CTNNA2: variants seen among roughly 807,000 people sequenced by gnomAD.
CTNNA2 encodes catenin alpha 2.
A neutral mutation model predicts 101.0 loss-of-function variants in CTNNA2; 42 were observed. That is an observed-to-expected ratio of 0.42 (90% CI 0.32 to 0.54). The LOEUF (loss-of-function observed/expected upper bound fraction) is 0.54. CTNNA2 is among the 20% of genes least tolerant of loss of function. The pLI is 0.14. For synonymous variants in CTNNA2, 450 were observed against 456.4 expected, an observed-to-expected ratio of 0.99 and a Z score of 0.18; for missense variants, 871 against 1,223.1, an observed-to-expected ratio of 0.71 and a Z score of 4.29.
intron 9 of CTNNA2, among the ~76,000 whole-genome samples, chr2:80,497,563 A>T (rs1390981849): frequency 6.6e-6 from 1 of 152,140 alleles, no homozygotes; most frequent in Non-Finnish European, 1.5e-5. Flanking sequence ...GACTTCTCAG[A>T]TAGCCCCCAA....
chr2:79,531,800 G>A (rs971502058), intron 1 of CTNNA2, among the ~76,000 whole-genome samples: 1 of 151,680 alleles, frequency 6.6e-6, no homozygotes, highest in African/African-American at 2.4e-5. Context: ...TCCTGCCTCT[G>A]GTTCCTGAGT....
At chr2:79,735,372 C>T (rs1420281225) in intron 2 of CTNNA2, among the ~76,000 whole-genome samples, 3 of 152,200 alleles carry the variant, frequency 2.0e-5, no homozygotes, top group African/African-American at 7.2e-5. Flanking sequence ...GAAATGAGTT[C>T]AAATCACATC....
chr2:80,375,048 C>T (rs72813665), intron 7 of CTNNA2, among the ~76,000 whole-genome samples: 4,258 of 152,198 alleles, frequency 0.028, 123 homozygotes, highest in South Asian at 0.12. Flanking sequence ...TCTTCCCCAC[C>T]CCAGGCGAGC....
At chr2:80,550,803 C>T (rs571939554) in intron 11 of CTNNA2, among the ~76,000 whole-genome samples, 26 of 134,662 alleles carry the variant, frequency 1.9e-4, no homozygotes, top group African/African-American at 6.3e-4. Context: ...CCTTCAAAGT[C>T]GACTATGAGG....
intron 7 of CTNNA2, among the ~76,000 whole-genome samples, chr2:80,238,386 A>T (rs1201734419): frequency 1.3e-5 from 2 of 152,166 alleles, no homozygotes; most frequent in African/African-American, 4.8e-5. Flanking sequence ...GAGTTAATTG[A>T]TATAAGAAAT....
chr2:80,367,437 T>C (rs763102372), intron 7 of CTNNA2, among the ~76,000 whole-genome samples: 2 of 152,154 alleles, frequency 1.3e-5, no homozygotes, highest in Admixed American at 1.3e-4. Context: ...AGAAAACGAA[T>C]ATAAGTCTCC....
intron 1 of CTNNA2, among the ~76,000 whole-genome samples, chr2:79,538,243 G>GAAA (rs57415185): frequency 6.6e-6 from 1 of 150,968 alleles, no homozygotes. Context: ...ATGATTATTC[G>GAAA]AAAAAAAAAC....
At chr2:80,139,413 T>C (rs1184424081) in intron 7 of CTNNA2, among the ~76,000 whole-genome samples, 2 of 152,294 alleles carry the variant, frequency 1.3e-5, no homozygotes, top group African/African-American at 2.4e-5. Flanking sequence ...TGTTTTTTTC[T>C]TTTATTCTTA....
At chr2:80,411,497 A>G (rs1167120433) in intron 8 of CTNNA2, among the ~76,000 whole-genome samples, 1 of 152,106 alleles carries the variant, frequency 6.6e-6, no homozygotes, top group African/African-American at 2.4e-5. Flanking sequence ...GTCTTACTAT[A>G]TCATGGGTGG....
At chr2:80,371,496 C>T (rs973752131) in intron 7 of CTNNA2, among the ~76,000 whole-genome samples, 9 of 142,582 alleles carry the variant, frequency 6.3e-5, no homozygotes, top group African/African-American at 2.4e-4. Flanking sequence ...GCATGAAGTG[C>T]AGTGCATACA....
chr2:79,322,664 A>C (rs1378939142), intron 3 of CTNNA2, among the ~76,000 whole-genome samples: 1 of 152,176 alleles, frequency 6.6e-6, no homozygotes, highest in Non-Finnish European at 1.5e-5. Flanking sequence ...AATGTTTTTC[A>C]AGGTATTTTT....
At position 80,303,711 on chromosome 2, in the gene CTNNA2, TG is replaced by T; in HGVS notation, c.1057-89495del. 1 of 1,608,242 alleles carries T rather than the reference TG, an allele frequency of 6.2e-7. No individual in the cohort carries two copies. Among genetic ancestry groups the T allele is most frequent in the South Asian group, 1.1e-5 (1 of 90,362 alleles). On this transcript the variant is annotated intron_variant, in intron 7 of 18. Coordinates refer to ENST00000402739, the MANE Select transcript of CTNNA2 (RefSeq NM_001282597.3). The surrounding 1 kb of genome is among the most constrained non-coding windows in gnomAD (Gnocchi z 7.7). ...CACCGGCACAGCTGCGGGCACCCGCTGGGGGCGGCGGGCAGCATCTGAAAGC... is the reference window on the plus strand; with the variant it reads ...CACCGGCACAGCTGCGGGCACCCGCTGGGGCGGCGGGCAGCATCTGAAAGC...
chr2:79,653,571 C>A (rs1681407636), intron 2 of CTNNA2, among the ~76,000 whole-genome samples: 1 of 152,104 alleles, frequency 6.6e-6, no homozygotes, highest in Non-Finnish European at 1.5e-5. Flanking sequence ...ACCTTTTAAT[C>A]CTTATATGGC....
At chr2:80,529,581 T>C (rs184528818) in intron 9 of CTNNA2, among the ~76,000 whole-genome samples, 47 of 152,296 alleles carry the variant, frequency 3.1e-4, no homozygotes, top group Middle Eastern at 3.4e-3. Context: ...AAAAATATTA[T>C]TGGTGTTCAC....
chr2:79,466,592 C>T (rs1341403669), intron 4 of CTNNA2, among the ~76,000 whole-genome samples: 2 of 152,166 alleles, frequency 1.3e-5, no homozygotes, highest in African/African-American at 2.4e-5. Flanking sequence ...CAAGTGGGTC[C>T]CTGGCCCCTG....
At chr2:79,286,553 C>G (rs1472243851) in intron 2 of CTNNA2, among the ~76,000 whole-genome samples, 32 of 151,474 alleles carry the variant, frequency 2.1e-4, no homozygotes, top group Admixed American at 2.1e-3. Context: ...GTTGAAAATT[C>G]TTTTCTTTAA....
At chr2:80,421,689 A>T (rs915013779) in intron 9 of CTNNA2, among the ~76,000 whole-genome samples, 1 of 151,916 alleles carries the variant, frequency 6.6e-6, no homozygotes, top group Admixed American at 6.6e-5. Context: ...ATGGATGGTC[A>T]CTGTGGCCAG....
intron 3 of CTNNA2, among the ~76,000 whole-genome samples, chr2:79,850,043 A>C (rs1483164353): frequency 6.6e-6 from 1 of 152,210 alleles, no homozygotes; most frequent in African/African-American, 2.4e-5. Flanking sequence ...ACTCAAATGC[A>C]TGCATGCACA....
chr2:79,790,688 T>C (rs1675203819), intron 3 of CTNNA2, among the ~76,000 whole-genome samples: 1 of 152,188 alleles, frequency 6.6e-6, no homozygotes, highest in Non-Finnish European at 1.5e-5. Context: ...ATCAGTTGGC[T>C]ACCAGTTATA....
Sources: gnomAD v4.1 joint callset for allele counts (sites outside exome capture counted in the v4.1 genomes callset) on GRCh38, gnomAD v4.1.1 for gene constraint, Gnocchi (gnomAD v3.1) non-coding constraint, MANE v1.5 for transcripts, NCBI Gene and HGNC (gene_info 2026-07-23, HGNC 2026-07-21) for gene names.